Variants in UQCC1 observed in about 807,000 individuals in gnomAD.
The protein encoded by UQCC1 is ubiquinol-cytochrome c reductase complex assembly factor 1.
A neutral mutation model predicts 48.0 loss-of-function variants in UQCC1; 38 were observed. The ratio of observed to expected loss-of-function variants is 0.79; its 90% confidence interval spans 0.61 to 1.04. The LOEUF is 1.04. UQCC1 is among the 50% of genes least tolerant of loss of function. The pLI, the probability that UQCC1 is intolerant of heterozygous loss-of-function variation, is 0.00. For synonymous variants in UQCC1, 111 were observed against 129.2 expected (o/e 0.86, Z 0.95); for missense variants, 368 against 381.8 (o/e 0.96, Z 0.30).
At chr20:35,388,090 C>A (rs1212148663) in intron 2 of UQCC1, among the ~76,000 whole-genome samples, 1 of 151,776 alleles carries the variant, frequency 6.6e-6, no homozygotes, top group African/African-American at 2.4e-5. Flanking sequence ...AAGCAACTCT[C>A]CTGCCTCAGC....
At chr20:35,355,318 C>T (rs889026339) in intron 6 of UQCC1, among the ~76,000 whole-genome samples, 8 of 152,302 alleles carry the variant, frequency 5.3e-5, no homozygotes, top group African/African-American at 1.4e-4. Flanking sequence ...TCCTATCAAC[C>T]GGAAGTTACT....
At chr20:35,410,724 A>AAAAAAAAAAAAAAAAAAAAAAAAAC (rs57687238) in intron 1 of UQCC1, among the ~76,000 whole-genome samples, 1 of 115,958 alleles carries the variant, frequency 8.6e-6, no homozygotes, top group Non-Finnish European at 1.7e-5. Flanking sequence ...AAAAAAAAAA[A>AAAAAAAAAAAAAAAAAAAAAAAAAC]CAAAACCCTA....
intron 5 of UQCC1, among the ~76,000 whole-genome samples, chr20:35,368,579 G>T (rs2061695451): frequency 6.6e-6 from 1 of 152,076 alleles, no homozygotes; most frequent in South Asian, 2.1e-4. Context: ...CAGATCTACT[G>T]CAAGCCATGT....
rs1272382055 is a variant in UQCC1 at position 35,303,578 on chromosome 20, T to TG, written c.*356dup. 8.6e-6 allele frequency: 2 copies of TG among 231,298 alleles called. No individual in the cohort carries two copies. Among genetic ancestry groups the TG allele is most frequent in the East Asian group, 9.0e-5 (1 of 11,074 alleles). The allele number at this position is 231,298 out of a possible 1,614,324, so 14.3% of individuals were successfully genotyped here. On this transcript the variant is annotated 3_prime_UTR_variant, in exon 10 of 10. Transcript: ENST00000374385. ...TCTGCTCCTAGGCCACAGCAGGCCC[T>TG]GGGGGGTTTCCCTTTTGAACCTACA...
chr20:35,408,940 AC>A (rs1174925618), intron 1 of UQCC1, among the ~76,000 whole-genome samples: 1 of 152,214 alleles, frequency 6.6e-6, no homozygotes, highest in African/African-American at 2.4e-5. Flanking sequence ...TAAGCCAGTC[AC>A]AAAAGGTCAA....
chr20:35,338,613 G>A (rs552713736), intron 7 of UQCC1, among the ~76,000 whole-genome samples: 4 of 151,582 alleles, frequency 2.6e-5, no homozygotes, highest in African/African-American at 4.8e-5. Flanking sequence ...TTGGGAGGCC[G>A]AGCGGGTGGA....
intron 4 of UQCC1, among the ~76,000 whole-genome samples, chr20:35,379,775 C>T (rs563117086): frequency 8.2e-4 from 124 of 152,084 alleles, no homozygotes; most frequent in African/African-American, 2.9e-3. Context: ...TACTGTACTC[C>T]AGCCTGGGTG....
intron 4 of UQCC1, among the ~76,000 whole-genome samples, chr20:35,380,529 TAAGAAGAAACCAC>T (rs1380598601): frequency 1.3e-5 from 2 of 152,208 alleles, no homozygotes; most frequent in African/African-American, 2.4e-5. Context: ...CCAGACACCA[TAAGAAGAAACCAC>T]AAGTAGAAGT....
At chr20:35,404,419 A>T (rs1415147207) in intron 1 of UQCC1, among the ~76,000 whole-genome samples, 1 of 148,878 alleles carries the variant, frequency 6.7e-6, no homozygotes, top group Non-Finnish European at 1.5e-5. Flanking sequence ...AGGCGCCTGT[A>T]GTCCCAGCTA....
At chr20:35,398,569 A>G (rs2146526147) in intron 1 of UQCC1, among the ~76,000 whole-genome samples, 1 of 152,286 alleles carries the variant, frequency 6.6e-6, no homozygotes, top group Admixed American at 6.5e-5. Context: ...AAGTGGAGCT[A>G]AAAATATTTT....
chr20:35,407,789 G>A (rs1327486682), intron 1 of UQCC1, among the ~76,000 whole-genome samples: 6 of 152,298 alleles, frequency 3.9e-5, no homozygotes, highest in Admixed American at 2.0e-4. Flanking sequence ...TTGGGAGGCC[G>A]AGGCAGGCGG....
intron 7 of UQCC1, among the ~76,000 whole-genome samples, chr20:35,319,068 A>C (rs1173055535): frequency 6.6e-6 from 1 of 152,130 alleles, no homozygotes; most frequent in African/African-American, 2.4e-5. Flanking sequence ...CATACATACA[A>C]CACCACAAGG....
intron 7 of UQCC1, chr20:35,345,313 C>A (rs915010797): frequency 6.6e-6 from 1 of 152,104 alleles, no homozygotes; most frequent in African/African-American, 2.4e-5. Flanking sequence ...GTGGGCAGAG[C>A]CCTCAACCTG....
At chr20:35,338,886 A>T (rs370141117) in intron 7 of UQCC1, among the ~76,000 whole-genome samples, 722 of 56,410 alleles carry the variant, frequency 0.013, 43 homozygotes, top group African/African-American at 0.11. Flanking sequence ...AAAAAAAAAA[A>T]AAAAAAATAT....
At chr20:35,329,052 A>G (rs536306850) in intron 7 of UQCC1, among the ~76,000 whole-genome samples, 1 of 152,340 alleles carries the variant, frequency 6.6e-6, no homozygotes, top group Admixed American at 6.5e-5. Flanking sequence ...AACCATACAA[A>G]TTAATAATGC....
intron 4 of UQCC1, among the ~76,000 whole-genome samples, chr20:35,381,610 C>T (rs1035348513): frequency 5.3e-5 from 8 of 152,188 alleles, no homozygotes; most frequent in Admixed American, 6.6e-5. Flanking sequence ...AGTGCAGCTA[C>T]TCATATACCC....
intron 4 of UQCC1, among the ~76,000 whole-genome samples, chr20:35,377,765 T>TCAAGGCC (rs1238265759): frequency 6.6e-6 from 1 of 152,214 alleles, no homozygotes; most frequent in Non-Finnish European, 1.5e-5. Flanking sequence ...AGACTTGCCT[T>TCAAGGCC]CAAGGCCCAA....
rs1183843739 is a variant in UQCC1 at position 35,410,704 on chromosome 20, CAA to C, written c.24+1234_24+1235del. ...TCGGCGACAGAGCAAGACTCTGCCT[CAA>C]AAAAAAAAAAAAAAAAAACAAAACC... is the stretch of plus-strand genomic sequence containing the variant. On this transcript the variant is annotated intron_variant, in intron 1 of 9. Transcript: ENST00000374385. Among the ~76,000 whole-genome samples the C allele has an allele frequency of 6.6e-3, 18 of 2,710 alleles. 1 individual carries two copies. The highest frequency in any genetic ancestry group is 0.059 in the South Asian group (2 of 34). The allele number at this position is 2,710 out of a possible 152,430, so 1.8% of individuals were successfully genotyped here.
At chr20:35,395,258 C>G (rs115819292) in intron 1 of UQCC1, among the ~76,000 whole-genome samples, 1 of 152,054 alleles carries the variant, frequency 6.6e-6, no homozygotes, top group East Asian at 1.9e-4. Context: ...AAGTTCCAAC[C>G]TTCTACACAC....
Sources: gnomAD v4.1 joint callset for allele counts (sites outside exome capture counted in the v4.1 genomes callset) on GRCh38, gnomAD v4.1.1 for gene constraint, MANE v1.5 for transcripts, NCBI Gene and HGNC (gene_info 2026-07-23, HGNC 2026-07-21) for gene names.